Variants in GRM8 observed in about 807,000 individuals in gnomAD.
GRM8 encodes the protein metabotropic glutamate receptor 8.
In GRM8, 47 loss-of-function variants were observed where a neutral mutation model predicts 87.2. The ratio of observed to expected loss-of-function variants is 0.54; its 90% CI spans 0.43 to 0.69. GRM8 has a LOEUF of 0.69. GRM8 is among the 30% of genes least tolerant of loss of function. GRM8 has a pLI of 0.00. For synonymous variants in GRM8, 396 were observed against 404.5 expected (o/e 0.98, Z 0.25); for missense variants, 1,019 against 1,139.2 (o/e 0.89, Z 1.52).
At chr7:127,188,987 C>T (rs563841872) in intron 2 of GRM8, among the ~76,000 whole-genome samples, 1 of 152,314 alleles carries the variant, frequency 6.6e-6, no homozygotes, top group Admixed American at 6.5e-5. Context: ...CATCTCCCAG[C>T]TTCTTCTATT....
chr7:126,706,345 G>C (rs948498740), intron 7 of GRM8, among the ~76,000 whole-genome samples: 6 of 152,146 alleles, frequency 3.9e-5, no homozygotes, highest in Admixed American at 3.9e-4. Flanking sequence ...AGACCCAGGA[G>C]TGCTAATGGT....
intron 9 of GRM8, among the ~76,000 whole-genome samples, chr7:126,485,143 G>A (rs1196663543): frequency 6.6e-6 from 1 of 152,010 alleles, no homozygotes; most frequent in Non-Finnish European, 1.5e-5. Flanking sequence ...AATGCAATAA[G>A]CATTTTTAAG....
At chr7:126,716,628 C>T (rs559436511) in intron 7 of GRM8, among the ~76,000 whole-genome samples, 3 of 152,086 alleles carry the variant, frequency 2.0e-5, no homozygotes, top group African/African-American at 4.8e-5. Flanking sequence ...CTCTTTTGTC[C>T]AAAACTTCTA....
chr7:127,240,138 A>G (rs1469990041), intron 2 of GRM8, among the ~76,000 whole-genome samples: 3 of 152,164 alleles, frequency 2.0e-5, no homozygotes, highest in Non-Finnish European at 4.4e-5. Context: ...AGTCAGTAGT[A>G]ACCCTCTCAC....
chr7:126,729,457 C>A (rs1813364586), intron 7 of GRM8, among the ~76,000 whole-genome samples: 1 of 152,172 alleles, frequency 6.6e-6, no homozygotes, highest in South Asian at 2.1e-4. Context: ...CAGAAGTCTG[C>A]AGCCAAACTA....
rs114939038 is a variant in GRM8 at position 126,488,643 on chromosome 7, C to A, written c.2431-42271G>T. Among the ~76,000 whole-genome samples, 453 of 152,062 alleles carry A rather than the reference C, an allele frequency of 3.0e-3. 2 individuals are homozygous for A. The highest frequency in any genetic ancestry group is 0.011 in the African/African-American group (445 of 41,530). On this transcript the variant is annotated intron_variant, in intron 9 of 10. Transcript: ENST00000339582. The stretch of plus-strand genomic sequence containing the variant: ...TCCAGGAGCCAGTCCAATTCATCGC[C>A]ATTCCAGATCTCTGAACTATTTTCT...
At chr7:126,697,435 A>G (rs1809505087) in intron 7 of GRM8, among the ~76,000 whole-genome samples, 1 of 152,182 alleles carries the variant, frequency 6.6e-6, no homozygotes, top group Admixed American at 6.6e-5. Flanking sequence ...ATTACGTGAC[A>G]TGATGGATAT....
At chr7:127,075,523 G>A (rs948023434) in intron 3 of GRM8, among the ~76,000 whole-genome samples, 7 of 152,142 alleles carry the variant, frequency 4.6e-5, no homozygotes, top group Admixed American at 2.6e-4. Context: ...AGGGGGTCGG[G>A]GGGAGGTACA....
At chr7:126,751,618 T>C (rs535807454) in intron 7 of GRM8, among the ~76,000 whole-genome samples, 35 of 152,202 alleles carry the variant, frequency 2.3e-4, no homozygotes, top group South Asian at 4.1e-4. Flanking sequence ...CAAGGAAACA[T>C]ACACACAAAA....
intron 8 of GRM8, among the ~76,000 whole-genome samples, chr7:126,545,333 G>T (rs1028729066): frequency 6.6e-6 from 1 of 152,200 alleles, no homozygotes; most frequent in Non-Finnish European, 1.5e-5. Context: ...CAAGACTATT[G>T]AAGTAGAATA....
chr7:126,952,979 T>C (rs532200025), intron 3 of GRM8, among the ~76,000 whole-genome samples: 37 of 152,232 alleles, frequency 2.4e-4, no homozygotes, highest in South Asian at 1.9e-3. Flanking sequence ...TCAATGTTAA[T>C]TTCTGGGTTC....
At chr7:127,041,553 C>T (rs1416125884) in intron 3 of GRM8, among the ~76,000 whole-genome samples, 2 of 152,130 alleles carry the variant, frequency 1.3e-5, no homozygotes, top group African/African-American at 4.8e-5. Flanking sequence ...GACAAATGTA[C>T]CAACAGGCAA....
At chr7:126,517,486 T>G (rs1173237602) in intron 9 of GRM8, among the ~76,000 whole-genome samples, 1 of 152,042 alleles carries the variant, frequency 6.6e-6, no homozygotes, top group Admixed American at 6.6e-5. Context: ...ACAATTTGTG[T>G]CAAGCATCCA....
At chr7:126,690,773 G>C (rs1384680123) in intron 7 of GRM8, among the ~76,000 whole-genome samples, 1 of 152,146 alleles carries the variant, frequency 6.6e-6, no homozygotes, top group Non-Finnish European at 1.5e-5. Flanking sequence ...ACCTGCAGTG[G>C]GTAGCTTTTC....
At chr7:127,144,824 A>C (rs1828463318) in intron 2 of GRM8, among the ~76,000 whole-genome samples, 1 of 152,072 alleles carries the variant, frequency 6.6e-6, no homozygotes, top group Non-Finnish European at 1.5e-5. Context: ...CTTCTTTCTC[A>C]TATGCAAATA....
chr7:126,447,530 A>G (rs1401933126), intron 9 of GRM8, among the ~76,000 whole-genome samples: 1 of 151,944 alleles, frequency 6.6e-6, no homozygotes, highest in African/African-American at 2.4e-5. Flanking sequence ...GCTAACATCT[A>G]TCATACTAGT....
intron 2 of GRM8, among the ~76,000 whole-genome samples, chr7:127,166,809 T>G (rs1266310254): frequency 1.3e-5 from 2 of 152,122 alleles, no homozygotes; most frequent in Non-Finnish European, 2.9e-5. Flanking sequence ...ATTGTTCTAG[T>G]TTAAATTTTT....
Position 126,609,873 on chromosome 7 carries a change from C to T in GRM8, c.1358-375G>A, listed in dbSNP as rs562239747. 7.9e-5 allele frequency among the ~76,000 whole-genome samples: 12 copies of T among 152,254 alleles called. No individual in the cohort carries two copies. In the East Asian group the frequency reaches 1.4e-3, roughly 17 times the overall value. ...GAAGCATGACAGCTATTGTACAATA[C>T]GAACTACAAACAGCAATTCAAAATA... On this transcript the variant is annotated intron_variant, in intron 7 of 10. Transcript: ENST00000339582.
intron 9 of GRM8, among the ~76,000 whole-genome samples, chr7:126,532,231 G>A (rs1217682500): frequency 6.6e-6 from 1 of 152,196 alleles, no homozygotes; most frequent in Non-Finnish European, 1.5e-5. Flanking sequence ...TACTTTGGGG[G>A]AGTCCATTGA....
Sources: gnomAD v4.1 joint callset for allele counts (sites outside exome capture counted in the v4.1 genomes callset) on GRCh38, gnomAD v4.1.1 for gene constraint, MANE v1.5 for transcripts, NCBI Gene and HGNC (gene_info 2026-07-23, HGNC 2026-07-21) for gene names.